TSPAN5: variants seen among roughly 807,000 people sequenced by gnomAD.
The protein encoded by TSPAN5 is tetraspanin-5.
In TSPAN5, 10 loss-of-function variants were observed where a neutral mutation model predicts 37.1. That is an observed-to-expected ratio of 0.27 (90% CI 0.17 to 0.46). The LOEUF (loss-of-function observed/expected upper bound fraction) is 0.46, where lower values mean the gene tolerates loss of function less well. Ranked by LOEUF, TSPAN5 falls within the 20% of genes least tolerant of loss-of-function variation. The pLI is 1.00. For missense variants in TSPAN5, 195 were observed against 326.6 expected (o/e 0.60, Z 3.11); for synonymous variants, 110 against 118.9 (o/e 0.93, Z 0.48).
chr4:98,558,257 G>A (rs1754795598), intron 1 of TSPAN5, among the ~76,000 whole-genome samples: 1 of 149,308 alleles, frequency 6.7e-6, no homozygotes, highest in Admixed American at 6.8e-5. Flanking sequence ...GCAGCACCAG[G>A]GAACAAGCAT....
At chr4:98,631,795 G>A (rs1471660245) in intron 1 of TSPAN5, among the ~76,000 whole-genome samples, 1 of 152,186 alleles carries the variant, frequency 6.6e-6, no homozygotes, top group East Asian at 1.9e-4. Flanking sequence ...CCTTTCCTGA[G>A]GCAGACGAGC....
chr4:98,537,648 CAACA>C (rs1316232296), intron 1 of TSPAN5, among the ~76,000 whole-genome samples: 2 of 152,204 alleles, frequency 1.3e-5, no homozygotes, highest in African/African-American at 4.8e-5. Context: ...CCCATGCTCT[CAACA>C]TGTGCCTCAC....
At chr4:98,536,351 T>A (rs1754232829) in intron 1 of TSPAN5, among the ~76,000 whole-genome samples, 1 of 152,196 alleles carries the variant, frequency 6.6e-6, no homozygotes, top group African/African-American at 2.4e-5. Flanking sequence ...AAGCAAAGAT[T>A]CCTGCCTGAT....
intron 1 of TSPAN5, among the ~76,000 whole-genome samples, chr4:98,567,240 C>T (rs1755025697): frequency 6.6e-6 from 1 of 152,128 alleles, no homozygotes; most frequent in Non-Finnish European, 1.5e-5. Flanking sequence ...CATCTAGGCC[C>T]GATGGTTCCT....
intron 1 of TSPAN5, among the ~76,000 whole-genome samples, chr4:98,571,774 G>C (rs1219263273): frequency 6.6e-6 from 1 of 152,078 alleles, no homozygotes; most frequent in African/African-American, 2.4e-5. Flanking sequence ...TAAAGGAAAG[G>C]ACCCAGGGCA....
At chr4:98,477,813 C>T (rs1010887427) in intron 5 of TSPAN5, among the ~76,000 whole-genome samples, 2 of 151,784 alleles carry the variant, frequency 1.3e-5, no homozygotes, top group African/African-American at 4.8e-5. Context: ...TGTGTGCCAC[C>T]ACACATGGCT....
intron 1 of TSPAN5, among the ~76,000 whole-genome samples, chr4:98,607,298 T>C (rs846015): frequency 0.63 from 96,454 of 151,924 alleles, 30,735 homozygotes; most frequent in East Asian, 0.75. Flanking sequence ...TCCCACACAA[T>C]TAGTTTTGTG....
At chr4:98,500,909 A>G (rs1044911846) in intron 2 of TSPAN5, among the ~76,000 whole-genome samples, 56 of 152,144 alleles carry the variant, frequency 3.7e-4, no homozygotes, top group African/African-American at 1.3e-3. Context: ...GTGCTGTATT[A>G]GGGAGGCAGG....
At chr4:98,627,027 A>G (rs908126128) in intron 1 of TSPAN5, among the ~76,000 whole-genome samples, 1 of 151,866 alleles carries the variant, frequency 6.6e-6, no homozygotes, top group African/African-American at 2.4e-5. Flanking sequence ...TTGATTAATG[A>G]AGCATTGTAA....
At chr4:98,543,241 C>T (rs187530448) in intron 1 of TSPAN5, among the ~76,000 whole-genome samples, 21 of 152,250 alleles carry the variant, frequency 1.4e-4, no homozygotes, top group Admixed American at 1.3e-3. Flanking sequence ...TTGGCAACAG[C>T]GTTTCAACTC....
At chr4:98,575,836 C>T (rs1755222633) in intron 1 of TSPAN5, among the ~76,000 whole-genome samples, 1 of 150,468 alleles carries the variant, frequency 6.6e-6, no homozygotes, top group Admixed American at 6.6e-5. Context: ...CTTTGGGAGG[C>T]TGAGACAGGC....
chr4:98,525,345 C>T (rs566973892), intron 1 of TSPAN5, among the ~76,000 whole-genome samples: 1 of 152,278 alleles, frequency 6.6e-6, no homozygotes, highest in South Asian at 2.1e-4. Context: ...CATGGGTTTT[C>T]TTTGGGTACT....
chr4:98,531,679 C>T (rs1208353696), intron 1 of TSPAN5, among the ~76,000 whole-genome samples: 1 of 152,204 alleles, frequency 6.6e-6, no homozygotes, highest in East Asian at 1.9e-4. Flanking sequence ...ACACTCCCAC[C>T]AACAGTGTAA....
chr4:98,628,858 G>T (rs893270982), intron 1 of TSPAN5, among the ~76,000 whole-genome samples: 1 of 152,104 alleles, frequency 6.6e-6, no homozygotes, highest in African/African-American at 2.4e-5. Flanking sequence ...CAGAGAGAAG[G>T]CATGCTAAGT....
chr4:98,586,316 C>A (rs1466904813), intron 1 of TSPAN5, among the ~76,000 whole-genome samples: 1 of 152,106 alleles, frequency 6.6e-6, no homozygotes, highest in South Asian at 2.1e-4. Context: ...CCTTTTTCTA[C>A]TAACGACTGA....
At chr4:98,568,826 AG>A (rs1755061684) in intron 1 of TSPAN5, among the ~76,000 whole-genome samples, 1 of 152,348 alleles carries the variant, frequency 6.6e-6, no homozygotes, top group African/African-American at 2.4e-5. Flanking sequence ...ATTATATCTA[AG>A]GGTAAGAATG....
chr4:98,560,998 G>A (rs1197538046), intron 1 of TSPAN5, among the ~76,000 whole-genome samples: 1 of 152,218 alleles, frequency 6.6e-6, no homozygotes, highest in African/African-American at 2.4e-5. Flanking sequence ...GCCGAGTTTG[G>A]TAGCTGTCTA....
chr4:98,596,501 C>T (rs1475325316), intron 1 of TSPAN5, among the ~76,000 whole-genome samples: 77 of 46,196 alleles, frequency 1.7e-3, no homozygotes, highest in Non-Finnish European at 2.1e-3. Flanking sequence ...GGTGATTTTG[C>T]TCATTAGTTG....
intron 1 of TSPAN5, among the ~76,000 whole-genome samples, chr4:98,579,866 A>G (rs1348828905): frequency 2.6e-5 from 4 of 152,236 alleles, no homozygotes; most frequent in Non-Finnish European, 4.4e-5. Flanking sequence ...CTATATGAAA[A>G]TTTATGTGAA....
Sources: allele counts gnomAD v4.1 joint callset (sites outside exome capture counted in the v4.1 genomes callset), GRCh38; gene constraint gnomAD v4.1.1; transcripts MANE v1.5; gene names NCBI Gene and HGNC (gene_info 2026-07-23, HGNC 2026-07-21).